CHRDL1: variants seen among roughly 807,000 people sequenced by gnomAD.
CHRDL1 encodes chordin-like protein 1.
Under a neutral mutation model 40.9 loss-of-function variants are expected in CHRDL1, and 19 were observed. The observed-to-expected ratio is 0.46, with a 90% CI of 0.32 to 0.68. The LOEUF (loss-of-function observed/expected upper bound fraction) is 0.68. Among genes scored for constraint, CHRDL1 ranks in the 30% least tolerant of loss-of-function variants. CHRDL1 has a pLI of 0.03. For missense variants in CHRDL1, 329 were observed against 352.1 expected, an observed-to-expected ratio of 0.93 and a Z score of 0.53; for synonymous variants, 136 against 123.4, an observed-to-expected ratio of 1.10 and a Z score of -0.68.
chrX:110,714,841 T>C (rs1226604173), intron 6 of CHRDL1, among the ~76,000 whole-genome samples: 1 of 111,823 alleles, frequency 8.9e-6, no homozygotes, highest in Non-Finnish European at 1.9e-5. Flanking sequence ...GTGGCCAGCA[T>C]AGGGGAGAGG....
At chrX:110,734,373 C>A (rs197045) in intron 4 of CHRDL1, among the ~76,000 whole-genome samples, 8,786 of 111,815 alleles carry the variant, frequency 0.079, 866 homozygotes, top group African/African-American at 0.27. Flanking sequence ...GGAAGTTTCT[C>A]ATAATCCAGT....
intron 7 of CHRDL1, among the ~76,000 whole-genome samples, chrX:110,695,683 AGTTATGGGG>A (rs1156646371): frequency 1.0e-5 from 1 of 95,264 alleles, no homozygotes; most frequent in Non-Finnish European, 2.1e-5. Flanking sequence ...TTGGGAAGAT[AGTTATGGGG>A]TCCCCTGACC....
At chrX:110,755,176 AGTCT>A (rs2089431726) in intron 4 of CHRDL1, among the ~76,000 whole-genome samples, 1 of 111,201 alleles carries the variant, frequency 9.0e-6, no homozygotes, top group South Asian at 3.8e-4. Context: ...AGTCCTATGC[AGTCT>A]TGACTTTTCC....
intron 2 of CHRDL1, among the ~76,000 whole-genome samples, chrX:110,774,372 T>C (rs1225670657): frequency 9.0e-6 from 1 of 111,724 alleles, no homozygotes; most frequent in Non-Finnish European, 1.9e-5. Flanking sequence ...TTCTTTGGTA[T>C]GCATTACAAT....
intron 6 of CHRDL1, among the ~76,000 whole-genome samples, chrX:110,702,649 G>T (rs188235898): frequency 9.0e-6 from 1 of 111,716 alleles, no homozygotes; most frequent in Non-Finnish European, 1.9e-5. Flanking sequence ...CATAGTAGTC[G>T]CTCAATAAAT....
chrX:110,713,581 A>G (rs2070782723), intron 6 of CHRDL1, among the ~76,000 whole-genome samples: 1 of 111,935 alleles, frequency 8.9e-6, no homozygotes, highest in South Asian at 3.8e-4. Context: ...ATGGGTCCCA[A>G]CAGGTAGTAT....
At chrX:110,694,795 C>T (rs894014902) in intron 7 of CHRDL1, among the ~76,000 whole-genome samples, 40 of 111,430 alleles carry the variant, frequency 3.6e-4, no homozygotes, top group African/African-American at 1.3e-3. Context: ...ACCTGGGCCA[C>T]GAAGGATGGG....
At chrX:110,743,606 G>C (rs1469555451) in intron 4 of CHRDL1, among the ~76,000 whole-genome samples, 2 of 112,149 alleles carry the variant, frequency 1.8e-5, no homozygotes, top group Non-Finnish European at 3.8e-5. Flanking sequence ...GGGGAAGCAA[G>C]CATGGCCAGG....
intron 4 of CHRDL1, among the ~76,000 whole-genome samples, chrX:110,732,264 G>T (rs1002251054): frequency 9.0e-6 from 1 of 111,106 alleles, no homozygotes; most frequent in East Asian, 2.8e-4. Context: ...TAAAGGAGGG[G>T]GTGATGGGGG....
intron 9 of CHRDL1, among the ~76,000 whole-genome samples, chrX:110,687,467 T>G (rs1379385362): frequency 1.8e-5 from 2 of 111,728 alleles, no homozygotes; most frequent in Admixed American, 1.9e-4. Context: ...TAAATACACA[T>G]TGATTCAGGG....
intron 6 of CHRDL1, among the ~76,000 whole-genome samples, chrX:110,702,720 C>G (rs965701438): frequency 6.3e-5 from 7 of 111,866 alleles, no homozygotes; most frequent in Non-Finnish European, 1.1e-4. Flanking sequence ...GTTCCAACCC[C>G]CATCTGATAT....
intron 6 of CHRDL1, among the ~76,000 whole-genome samples, chrX:110,702,326 T>C (rs1369425277): frequency 8.9e-6 from 1 of 112,052 alleles, no homozygotes; most frequent in East Asian, 2.8e-4. Context: ...GTGAAAACCA[T>C]TTAAGTTTTC....
At chrX:110,695,468 C>T (rs2070367348) in intron 7 of CHRDL1, among the ~76,000 whole-genome samples, 1 of 111,027 alleles carries the variant, frequency 9.0e-6, no homozygotes. Context: ...GCTACCCACC[C>T]CTCTCCCAGG....
intron 4 of CHRDL1, among the ~76,000 whole-genome samples, chrX:110,754,173 T>G (rs1322846344): frequency 8.9e-6 from 1 of 112,332 alleles, no homozygotes; most frequent in Non-Finnish European, 1.9e-5. Flanking sequence ...GTTGTCTCTA[T>G]AACTTAGCAG....
chrX:110,689,254 CTT>C (rs55785948), intron 8 of CHRDL1, among the ~76,000 whole-genome samples: 12 of 88,713 alleles, frequency 1.4e-4, no homozygotes, highest in South Asian at 6.4e-4. Flanking sequence ...CCATGCCGTG[CTT>C]TTTTTTTTTT....
chrX:110,689,931 C>G (rs868011734), intron 8 of CHRDL1, among the ~76,000 whole-genome samples: 1 of 11,015 alleles, frequency 9.1e-5, no homozygotes, highest in Non-Finnish European at 1.4e-4. Flanking sequence ...ATCTATATAT[C>G]TATATATATC....
intron 4 of CHRDL1, among the ~76,000 whole-genome samples, chrX:110,743,357 A>G (rs1305855089): frequency 8.9e-6 from 1 of 112,317 alleles, no homozygotes; most frequent in East Asian, 2.8e-4. Context: ...GGAGCTGAGC[A>G]GTTCCACACT....
At chrX:110,711,855 A>C (rs1230546063) in intron 6 of CHRDL1, among the ~76,000 whole-genome samples, 1 of 112,025 alleles carries the variant, frequency 8.9e-6, no homozygotes, top group Non-Finnish European at 1.9e-5. Flanking sequence ...CTTTTAAACA[A>C]TTGCTTCCAG....
intron 10 of CHRDL1, 115 bp from the exon 11 acceptor site, chrX:110,679,540 G>A (rs757369244): frequency 1.4e-4 from 73 of 516,527 alleles, no homozygotes; most frequent in Non-Finnish European, 2.3e-4. Context: ...TAAGAGTATC[G>A]AGTTGGGCTG....
Sources: allele counts gnomAD v4.1 joint callset (sites outside exome capture counted in the v4.1 genomes callset), GRCh38; gene constraint gnomAD v4.1.1; transcripts MANE v1.5; gene names NCBI Gene and HGNC (gene_info 2026-07-23, HGNC 2026-07-21).